SPTBN1: variants seen among roughly 807,000 people sequenced by gnomAD.
SPTBN1 encodes spectrin beta chain, non-erythrocytic 1.
SPTBN1 carries 32 observed loss-of-function variants against 266.4 expected under a neutral mutation model. The ratio of observed to expected loss-of-function variants is 0.12; its 90% confidence interval spans 0.09 to 0.16. SPTBN1 has a LOEUF of 0.16. Among genes scored for constraint, SPTBN1 ranks in the 10% least tolerant of loss-of-function variants. SPTBN1 has a pLI of 1.00. For missense variants in SPTBN1, 2,296 were observed against 3,067.1 expected, an observed-to-expected ratio of 0.75 and a Z score of 5.94; for synonymous variants, 1,336 against 1,162.2, an observed-to-expected ratio of 1.15 and a Z score of -3.04.
At chr2:54,486,322 G>C (rs1046173413) in intron 1 of SPTBN1, among the ~76,000 whole-genome samples, 22 of 152,196 alleles carry the variant, frequency 1.4e-4, no homozygotes, top group Non-Finnish European at 2.5e-4. Flanking sequence ...GATGGTTGCC[G>C]TGTCTGTGTA....
chr2:54,531,554 G>A (rs1558812057), intron 2 of SPTBN1, among the ~76,000 whole-genome samples: 2 of 151,872 alleles, frequency 1.3e-5, no homozygotes, highest in Non-Finnish European at 2.9e-5. Flanking sequence ...CTCTTGAGTA[G>A]CTGGGACTAT....
In SPTBN1 at chr2:54,475,890, A is replaced by G. The variant is rs1232742497; in HGVS notation, c.-48+19372A>G. ...TTGATGCTTCAAATTAGTCCATACC[A>G]GAGTGTTTAGTTTTAATTCACTGCT... On this transcript the variant is annotated intron_variant, in intron 1 of 35. Transcript: ENST00000356805. Among the ~76,000 whole-genome samples, 6 of 152,182 alleles carry G rather than the reference A, an allele frequency of 3.9e-5. No homozygotes were observed. In the East Asian group the frequency reaches 9.6e-4, roughly 24 times the overall value.
chr2:54,630,179 A>T (rs1420756818), intron 15 of SPTBN1, 150 bp downstream of exon 15: 1 of 1,084,440 alleles, frequency 9.2e-7, no homozygotes, highest in Non-Finnish European at 1.3e-6. Flanking sequence ...GCCTTTTGAC[A>T]TGTCCTTGTT....
intron 1 of SPTBN1, among the ~76,000 whole-genome samples, chr2:54,502,928 T>C (rs1483866286): frequency 1.3e-5 from 2 of 152,286 alleles, no homozygotes; most frequent in East Asian, 3.9e-4. Flanking sequence ...ACAGATCAGC[T>C]AGGGTACCTC....
Position 54,526,450 on chromosome 2 carries a change from A to G in SPTBN1, c.32A>G (p.Asn11Ser), listed in dbSNP as rs1670821258. 4 of 1,614,216 alleles carry G rather than the reference A, an allele frequency of 2.5e-6. No individual in the cohort carries two copies. The highest frequency in any genetic ancestry group is 3.3e-5 in the Admixed American group (2 of 60,034). The stretch of plus-strand genomic sequence containing the variant: ...ACCACAGTAGCCACAGACTATGACA[A>G]CATTGAGATCCAGCAGCAGTACAGT... MTTTVATDYDNIEIQQQYSDV... is the reference protein window; with the variant it reads MTTTVATDYDSIEIQQQYSDV... Residue 11 changes from asparagine (N) to serine (S), a missense_variant, in exon 2 of 36, where the codon AAC (asparagine) becomes AGC (serine). Coordinates refer to ENST00000356805, the MANE Select transcript of SPTBN1 (RefSeq NM_003128.3).
intron 1 of SPTBN1, among the ~76,000 whole-genome samples, chr2:54,508,689 G>T (rs1669705506): frequency 6.6e-6 from 1 of 152,150 alleles, no homozygotes; most frequent in African/African-American, 2.4e-5. Context: ...GGGAGTAGGT[G>T]GGAGTGGCCA....
intron 2 of SPTBN1, among the ~76,000 whole-genome samples, chr2:54,581,338 A>G (rs553376066): frequency 6.6e-6 from 1 of 152,154 alleles, no homozygotes; most frequent in Non-Finnish European, 1.5e-5. Flanking sequence ...GGAGGAGGGG[A>G]TGCTCTAAAT....
chr2:54,621,288 T>G, intron 7 of SPTBN1, 112 bp from the exon 8 acceptor site: 1 of 656,252 alleles, frequency 1.5e-6, no homozygotes, highest in Non-Finnish European at 2.7e-6. Context: ...GGTACAAACA[T>G]GAAGACGCTG....
chr2:54,493,775 T>G (rs1445516315), intron 1 of SPTBN1, among the ~76,000 whole-genome samples: 2 of 152,258 alleles, frequency 1.3e-5, no homozygotes, highest in Non-Finnish European at 2.9e-5. Flanking sequence ...CATAGATATT[T>G]GCAGGTGAAA....
intron 2 of SPTBN1, among the ~76,000 whole-genome samples, chr2:54,576,925 A>G (rs2104551061): frequency 6.6e-6 from 1 of 152,286 alleles, no homozygotes; most frequent in East Asian, 1.9e-4. Context: ...ATTGATTGCA[A>G]GTTTTTAAAT....
intron 4 of SPTBN1, among the ~76,000 whole-genome samples, chr2:54,614,628 C>T (rs1341991635): frequency 6.6e-6 from 1 of 151,986 alleles, no homozygotes; most frequent in African/African-American, 2.4e-5. Context: ...CATGACGATA[C>T]CCTGCCTCTA....
chr2:54,648,883 G>A, intron 24 of SPTBN1, 103 bp from the exon 25 acceptor site: 1 of 1,072,364 alleles, frequency 9.3e-7, no homozygotes, highest in Admixed American at 2.8e-5. Flanking sequence ...TGAGAAATAT[G>A]ATGTAATATG....
At chr2:54,638,268 A>T (rs752944241) in intron 18 of SPTBN1, among the ~76,000 whole-genome samples, 2 of 152,240 alleles carry the variant, frequency 1.3e-5, no homozygotes, top group Non-Finnish European at 2.9e-5. Flanking sequence ...ATATTGTGCA[A>T]CCTAGAAGTA....
chr2:54,558,386 T>A lies in SPTBN1; in HGVS notation c.148+31820T>A, dbSNP rs1673024460. On this transcript the variant is annotated intron_variant, in intron 2 of 35. Coordinates refer to ENST00000356805, the MANE Select transcript of SPTBN1 (RefSeq NM_003128.3). The surrounding 1 kb of genome is among the most constrained non-coding windows in gnomAD (Gnocchi z 4.6). ...CAAACCGGCGGCCGCCGCGGGCAGC[T>A]GGGAGGAGGTGTGCGCGCTGCGCCC... 3.0e-6 allele frequency: 3 copies of A among 1,006,606 alleles called. No individual in the cohort carries two copies. The African/African-American group carries it at 5.2e-5, about 17-fold the overall frequency. The allele number at this position is 1,006,606 out of a possible 1,614,324, so 62.4% of individuals were successfully genotyped here. A position where few individuals can be genotyped will look rare whatever the true frequency, so the allele number is the denominator to read the frequency against.
rs760872951 is a variant in SPTBN1, at chr2:54,540,852, G to T, written c.148+14286G>T. ...ATAGTGACCAAGCAAGATAGGGAAT[G>T]GAATGTTAAAATTGTAGTAGTTTAT... On this transcript the variant is annotated intron_variant, in intron 2 of 35. Transcript: ENST00000356805. The surrounding 1 kb of genome is among the most constrained non-coding windows in gnomAD (Gnocchi z 5.6). Among the ~76,000 whole-genome samples the T allele has an allele frequency of 5.9e-5, 9 of 152,168 alleles. No individual in the cohort carries two copies. Among genetic ancestry groups the T allele is most frequent in the Non-Finnish European group, 1.2e-4 (8 of 68,022 alleles).
intron 24 of SPTBN1, among the ~76,000 whole-genome samples, chr2:54,647,909 AC>A (rs1241156508): frequency 6.6e-6 from 1 of 152,238 alleles, no homozygotes; most frequent in African/African-American, 2.4e-5. Flanking sequence ...CATAGCACTT[AC>A]ACTTGGGTTG....
chr2:54,666,718 A>C (rs906830827), intron 34 of SPTBN1, among the ~76,000 whole-genome samples: 28 of 152,218 alleles, frequency 1.8e-4, no homozygotes, highest in African/African-American at 6.8e-4. Flanking sequence ...TTTATCTTGT[A>C]AAAAGTGGTT....
At chr2:54,483,293 G>T (rs938672462) in intron 1 of SPTBN1, among the ~76,000 whole-genome samples, 6 of 152,182 alleles carry the variant, frequency 3.9e-5, no homozygotes, top group Non-Finnish European at 8.8e-5. Flanking sequence ...TGGAGCACTG[G>T]GCACCACGGG....
chr2:54,660,135 T>C (rs1680941812), intron 32 of SPTBN1, 136 bp downstream of exon 32: 1 of 1,567,468 alleles, frequency 6.4e-7, no homozygotes, highest in South Asian at 1.2e-5. Context: ...CCTCTGGGTT[T>C]TGACTTTTTG....
Sources: gnomAD v4.1 joint callset for allele counts (sites outside exome capture counted in the v4.1 genomes callset) on GRCh38, gnomAD v4.1.1 for gene constraint, Gnocchi (gnomAD v3.1) non-coding constraint, MANE v1.5 for transcripts, NCBI Gene and HGNC (gene_info 2026-07-23, HGNC 2026-07-21) for gene names.